ZMAT3: variants seen among roughly 807,000 people sequenced by gnomAD.
ZMAT3 encodes the protein zinc finger matrin-type 3.
Under a neutral mutation model 32.3 loss-of-function variants are expected in ZMAT3, and 17 were observed. The observed-to-expected ratio is 0.53, with a 90% CI of 0.36 to 0.79. The LOEUF (loss-of-function observed/expected upper bound fraction) is 0.79. Among genes scored for constraint, ZMAT3 ranks in the 30% least tolerant of loss-of-function variants. The pLI, the probability that ZMAT3 is intolerant of heterozygous loss-of-function variation, is 0.00. For missense variants in ZMAT3, 329 were observed against 359.7 expected (o/e 0.91, Z 0.69); for synonymous variants, 120 against 133.1 (o/e 0.90, Z 0.68).
At chr3:179,062,073 C>T (rs1324671547) in intron 2 of ZMAT3, among the ~76,000 whole-genome samples, 1 of 152,018 alleles carries the variant, frequency 6.6e-6, no homozygotes, top group African/African-American at 2.4e-5. Context: ...GTTCCTCAGG[C>T]ATTATTTTAA....
intron 2 of ZMAT3, among the ~76,000 whole-genome samples, chr3:179,051,417 A>C (rs890016860): frequency 3.3e-5 from 5 of 152,194 alleles, no homozygotes; most frequent in African/African-American, 9.6e-5. Context: ...AAAAAAATAA[A>C]ATAAAATACA....
chr3:179,068,771 C>T lies in ZMAT3; in HGVS notation c.-57-962G>A, dbSNP rs374553725. 3.2e-4 allele frequency among the ~76,000 whole-genome samples: 49 copies of T among 152,346 alleles called. 1 individual carries two copies. Among genetic ancestry groups the T allele is most frequent in the African/African-American group, 1.1e-3 (47 of 41,570 alleles). On this transcript the variant is annotated intron_variant, in intron 1 of 5. Coordinates refer to ENST00000311417, the MANE Select transcript of ZMAT3 (RefSeq NM_022470.4). ...TGGCAAACAGCCTGTGGGCCACATA[C>T]AGCCACAGATGTGCTGTTTGGAATA... is the stretch of plus-strand genomic sequence containing the variant.
intron 2 of ZMAT3, among the ~76,000 whole-genome samples, chr3:179,063,280 A>G (rs1392597500): frequency 2.6e-5 from 4 of 152,260 alleles, no homozygotes; most frequent in African/African-American, 9.6e-5. Context: ...AACCTGGGTG[A>G]TCAATATTAA....
chr3:179,024,976 C>G lies in ZMAT3; in HGVS notation c.*41G>C, dbSNP rs1718785322. The G allele has an allele frequency of 6.3e-7, 1 of 1,597,100 alleles. No homozygotes were observed. The highest frequency in any genetic ancestry group is 1.7e-5 in the Admixed American group (1 of 59,838). The stretch of plus-strand genomic sequence containing the variant: ...GCAGGGCAAGTTGACAAAAGGCAAA[C>G]AACAGGCAGGAAAAGCTGCTCTATC... On this transcript the variant is annotated 3_prime_UTR_variant, in exon 6 of 6. Transcript: ENST00000311417.
rs1177829489 is a variant in ZMAT3, at chr3:179,023,696, CTA to C, written c.*1319_*1320del. ...TCCTAAAAACTGCTGGAAAATATAT[CTA>C]TATATATATATATTTTTTTTTTTTT... is the stretch of plus-strand genomic sequence containing the variant. On this transcript the variant is annotated 3_prime_UTR_variant, in exon 6 of 6. Coordinates refer to ENST00000311417, the MANE Select transcript of ZMAT3 (RefSeq NM_022470.4). The C allele has an allele frequency of 7.3e-5, 2 of 27,384 alleles. No individual in the cohort carries two copies. The highest frequency in any genetic ancestry group is 1.2e-4 in the Non-Finnish European group (2 of 16,972). 1.7% of individuals were successfully genotyped at this position (27,384 alleles called of 1,614,324 possible).
intron 2 of ZMAT3, among the ~76,000 whole-genome samples, chr3:179,045,525 T>C (rs1185632843): frequency 2.0e-5 from 3 of 152,012 alleles, no homozygotes; most frequent in African/African-American, 7.3e-5. Flanking sequence ...AAAGAGCAAA[T>C]TGCAAAAGAA....
intron 2 of ZMAT3, among the ~76,000 whole-genome samples, chr3:179,031,800 G>A (rs927337219): frequency 4.6e-5 from 7 of 151,876 alleles, no homozygotes; most frequent in Middle Eastern, 3.4e-3. Flanking sequence ...CCAGCTACTC[G>A]GGAGGCTGAG....
rs532420879 is a variant in ZMAT3, at chr3:179,032,537, C to T, written c.271-1538G>A. Among the ~76,000 whole-genome samples the T allele has an allele frequency of 5.3e-5, 8 of 151,876 alleles. No homozygotes were observed. In the South Asian group the frequency reaches 1.7e-3, roughly 32 times the overall value. ...GTGAGGAGCGCCTCTTCCCGGCCAT[C>T]ATCCCGTCTGGGAAGTGAGGTGCGT... is the stretch of plus-strand genomic sequence containing the variant. On this transcript the variant is annotated intron_variant, in intron 2 of 5. Coordinates refer to ENST00000311417, the MANE Select transcript of ZMAT3 (RefSeq NM_022470.4).
chr3:179,040,881 T>C (rs1389186244), intron 2 of ZMAT3, among the ~76,000 whole-genome samples: 2 of 141,554 alleles, frequency 1.4e-5, no homozygotes, highest in Non-Finnish European at 3.0e-5. Flanking sequence ...TGGAGGAAGA[T>C]CTACCAAGCA....
At chr3:179,057,739 T>C (rs758581631) in intron 2 of ZMAT3, among the ~76,000 whole-genome samples, 2 of 152,224 alleles carry the variant, frequency 1.3e-5, no homozygotes, top group East Asian at 1.9e-4. Context: ...ATCCAGCCTA[T>C]ACTGGCTTAT....
rs913161205 is a variant in ZMAT3 at position 179,020,670 on chromosome 3, T to C, written c.*4347A>G. ...CTTTAAAGGGCATTTCCAACCTTAG[T>C]TCTGACAATGAAGACACAAAGTAGG... On this transcript the variant is annotated 3_prime_UTR_variant, in exon 6 of 6. Transcript: ENST00000311417. 1.6e-4 allele frequency: 24 copies of C among 152,218 alleles called. No individual in the cohort carries two copies. Among genetic ancestry groups the C allele is most frequent in the Non-Finnish European group, 7.3e-5 (5 of 68,054 alleles). The allele number at this position is 152,218 out of a possible 1,614,324, so 9.4% of individuals were successfully genotyped here.
At chr3:179,041,860 G>A (rs1719951470) in intron 2 of ZMAT3, among the ~76,000 whole-genome samples, 1 of 151,810 alleles carries the variant, frequency 6.6e-6, no homozygotes, top group Non-Finnish European at 1.5e-5. Context: ...GAAGAAAAGA[G>A]AGAAGAATCA....
At chr3:179,063,706 T>C (rs1560099263) in intron 2 of ZMAT3, among the ~76,000 whole-genome samples, 1 of 152,222 alleles carries the variant, frequency 6.6e-6, no homozygotes, top group Non-Finnish European at 1.5e-5. Flanking sequence ...TGTTACCCCA[T>C]GCCAGCCTTG....
At chr3:179,051,659 T>C (rs953007619) in intron 2 of ZMAT3, among the ~76,000 whole-genome samples, 1 of 152,058 alleles carries the variant, frequency 6.6e-6, no homozygotes, top group Non-Finnish European at 1.5e-5. Flanking sequence ...AATACCATCA[T>C]CATTCTTCAC....
At chr3:179,058,172 G>C (rs904584379) in intron 2 of ZMAT3, among the ~76,000 whole-genome samples, 4 of 152,200 alleles carry the variant, frequency 2.6e-5, no homozygotes, top group African/African-American at 9.7e-5. Context: ...ACACAGGGAA[G>C]AGATCTTACT....
intron 2 of ZMAT3, among the ~76,000 whole-genome samples, chr3:179,031,703 T>C (rs1719205837): frequency 6.6e-6 from 1 of 152,016 alleles, no homozygotes; most frequent in Admixed American, 6.6e-5. Flanking sequence ...GGTCAGGAGT[T>C]CGAGACCAGC....
chr3:179,038,331 A>G (rs1336693633), intron 2 of ZMAT3, among the ~76,000 whole-genome samples: 1 of 152,242 alleles, frequency 6.6e-6, no homozygotes, highest in African/African-American at 2.4e-5. Context: ...CTATAATCCC[A>G]GCACTTTGGG....
At chr3:179,052,419 G>T (rs576622061) in intron 2 of ZMAT3, among the ~76,000 whole-genome samples, 1 of 152,278 alleles carries the variant, frequency 6.6e-6, no homozygotes, top group Admixed American at 6.5e-5. Flanking sequence ...AATTATCAGA[G>T]AAATGTAAAT....
chr3:179,033,361 G>GC lies in ZMAT3; in HGVS notation c.271-2363dup, dbSNP rs200375681. Among the ~76,000 whole-genome samples the GC allele has an allele frequency of 1.0e-3, 152 of 152,198 alleles. 3 individuals are homozygous for GC. In the East Asian group the frequency reaches 0.024, roughly 24 times the overall value. On this transcript the variant is annotated intron_variant, in intron 2 of 5. Coordinates refer to ENST00000311417, the MANE Select transcript of ZMAT3 (RefSeq NM_022470.4). Reference sequence around the variant, plus strand: ...ACACAAACACTGCGGAAGGCGGAAGGCGGCAGGGCCCTCTGCCTAGGAAAA... The same window carrying GC: ...ACACAAACACTGCGGAAGGCGGAAGGCCGGCAGGGCCCTCTGCCTAGGAAAA...
Sources: allele counts gnomAD v4.1 joint callset (sites outside exome capture counted in the v4.1 genomes callset), GRCh38; gene constraint gnomAD v4.1.1; transcripts MANE v1.5; gene names NCBI Gene and HGNC (gene_info 2026-07-23, HGNC 2026-07-21).